Variants in THAP6 observed in about 807,000 individuals in gnomAD.
THAP6 encodes the protein THAP domain containing 6.
In THAP6, 13 loss-of-function variants were observed where a neutral mutation model predicts 20.0. The ratio of observed to expected loss-of-function variants is 0.65; its 90% confidence interval spans 0.42 to 1.03. The LOEUF (loss-of-function observed/expected upper bound fraction) is 1.03. THAP6 is among the 50% of genes least tolerant of loss of function. THAP6 has a pLI of 0.00. For missense variants in THAP6, 262 were observed against 261.6 expected (o/e 1.00, Z -0.01); for synonymous variants, 93 against 92.2 (o/e 1.01, Z -0.05).
intron 4 of THAP6, among the ~76,000 whole-genome samples, chr4:75,522,986 G>A (rs1023594239): frequency 1.1e-4 from 17 of 152,118 alleles, no homozygotes; most frequent in Non-Finnish European, 1.9e-4. Context: ...TGGGATTGCT[G>A]GATCATACAG....
intron 4 of THAP6, among the ~76,000 whole-genome samples, chr4:75,523,251 G>GA (rs757703085): frequency 6.6e-6 from 1 of 151,948 alleles, no homozygotes; most frequent in Non-Finnish European, 1.5e-5. Flanking sequence ...GTCTTCTTTT[G>GA]AAAAAATGTG....
chr4:75,532,471 G>A (rs1726710881), downstream of THAP6, among the ~76,000 whole-genome samples: 1 of 152,210 alleles, frequency 6.6e-6, no homozygotes, highest in African/African-American at 2.4e-5. Context: ...AGTGCAAGCT[G>A]TTGGTGGATC....
At position 75,528,999 on chromosome 4, in the gene THAP6, G is replaced by A. The variant is rs1038011226; in HGVS notation, c.*1785G>A. On this transcript the variant is annotated 3_prime_UTR_variant, in exon 5 of 5. Transcript: ENST00000311638. ...ACCCGGGAGGCGGAGATTGCAGTGA[G>A]CCAAGATCACGCCGTTGCACTCCAG... 9 of 597,552 alleles carry A rather than the reference G, an allele frequency of 1.5e-5. No homozygotes were observed. The highest frequency in any genetic ancestry group is 2.0e-5 in the African/African-American group (1 of 49,392). The allele number at this position is 597,552 out of a possible 1,614,324, so 37.0% of individuals were successfully genotyped here.
downstream of THAP6, among the ~76,000 whole-genome samples, chr4:75,531,521 T>C (rs1726679786): frequency 6.6e-6 from 1 of 152,234 alleles, no homozygotes; most frequent in Non-Finnish European, 1.5e-5. Context: ...GAAACTTGTG[T>C]GTGTGCTCTT....
intron 4 of THAP6, among the ~76,000 whole-genome samples, chr4:75,524,439 T>C (rs1418826041): frequency 2.6e-5 from 4 of 152,260 alleles, no homozygotes; most frequent in African/African-American, 7.2e-5. Flanking sequence ...CCACCTGTTA[T>C]CATTTTGCCT....
In THAP6 at chr4:75,529,381, T is replaced by C. The variant is rs1726580475; in HGVS notation, c.*2167T>C. The C allele has an allele frequency of 1.0e-6, 1 of 985,336 alleles. No homozygotes were observed. Among genetic ancestry groups the C allele is most frequent in the African/African-American group, 1.7e-5 (1 of 57,246 alleles). 61.0% of individuals were successfully genotyped at this position (985,336 alleles called of 1,614,324 possible). On this transcript the variant is annotated 3_prime_UTR_variant, in exon 5 of 5. Transcript: ENST00000311638. ...AAATTGCCACAGTCACTTTTACTAC[T>C]TGTGTTCATAGTAGACTCAGCACTT...
chr4:75,543,146 A>G, intron 3 of THAP6: 1 of 152,324 alleles, frequency 6.6e-6, no homozygotes. Context: ...CTAATGCTTT[A>G]CTCAGCCACT....
At chr4:75,534,219 A>G (rs1339198438), downstream of THAP6, among the ~76,000 whole-genome samples, 1 of 152,162 alleles carries the variant, frequency 6.6e-6, no homozygotes, top group Non-Finnish European at 1.5e-5. Flanking sequence ...TGCAATAAAC[A>G]TACAATGGAA....
chr4:75,529,746 G>A lies in THAP6; in HGVS notation c.*2532G>A. ...CTTTAAAAGCTAGGAGTGGCCTCTA[G>A]AGCCAGGAACACATTAATACAACAG... On this transcript the variant is annotated 3_prime_UTR_variant, in exon 5 of 5. Transcript: ENST00000311638. The A allele has an allele frequency of 3.0e-6, 3 of 985,376 alleles. No individual in the cohort carries two copies. Among genetic ancestry groups the A allele is most frequent in the Non-Finnish European group, 3.6e-6 (3 of 829,926 alleles). The allele number at this position is 985,376 out of a possible 1,614,324, so 61.0% of individuals were successfully genotyped here. A position where few individuals can be genotyped will look rare whatever the true frequency, so the allele number is the denominator to read the frequency against.
intron 3 of THAP6, among the ~76,000 whole-genome samples, chr4:75,520,692 T>C (rs1231875019): frequency 6.6e-6 from 1 of 152,208 alleles, no homozygotes; most frequent in Non-Finnish European, 1.5e-5. Flanking sequence ...GATCAAAGAC[T>C]ATATACACTT....
intron 3 of THAP6, chr4:75,542,723 T>TAA (rs1727039645): frequency 2.7e-6 from 1 of 365,062 alleles, no homozygotes; most frequent in African/African-American, 2.1e-5. Flanking sequence ...GACTTTTGTT[T>TAA]TGTTTTGTTT....
At position 75,516,961 on chromosome 4, in the gene THAP6, T is replaced by C. The variant is rs143920365; in HGVS notation, c.270T>C (p.Asp90=). The C allele has an allele frequency of 1.2e-4, 190 of 1,613,564 alleles. 1 individual carries two copies. The highest frequency in any genetic ancestry group is 6.4e-5 in the Non-Finnish European group (75 of 1,179,678). The change falls in exon 3 of 5, where the codon GAT becomes GAC. Residue 90 remains aspartate (D), a synonymous_variant. Coordinates refer to ENST00000311638, the MANE Select transcript of THAP6 (RefSeq NM_144721.6). ...CTGGAGTCATACCTTCTATCTTTGA[T>C]TCTCCATATCACCTACAGGTTTGTT... The part of the protein sequence containing the change: ...LKPGVIPSIF[D]SPYHLQGKRE...
Position 75,527,341 on chromosome 4 carries a change from T to A in THAP6, c.*127T>A. On this transcript the variant is annotated 3_prime_UTR_variant, in exon 5 of 5. Coordinates refer to ENST00000311638, the MANE Select transcript of THAP6 (RefSeq NM_144721.6). ...TTTGGATTCTCTGGAGCATTATGCA[T>A]TATAGTTGTTATCCAAAGACTTTTT... is the stretch of plus-strand genomic sequence containing the variant. The A allele has an allele frequency of 2.0e-6, 3 of 1,475,496 alleles. No individual in the cohort carries two copies. The South Asian group carries it at 4.4e-5, about 22-fold the overall frequency. The allele number at this position is 1,475,496 out of a possible 1,614,324, so 91.4% of individuals were successfully genotyped here. A position where few individuals can be genotyped will look rare whatever the true frequency, so the allele number is the denominator to read the frequency against.
At position 75,539,763 on chromosome 4, in the gene THAP6, G is replaced by A. The variant is rs1376792843; in HGVS notation, c.166-2646G>A. On this transcript the variant is annotated intron_variant, in intron 2 of 4. Coordinates refer to the THAP6 transcript ENST00000502620. ...GACAATAGCACCTTACCCATTGGTGGTGAGAATTTTATTTCATTGCGTATA... is the reference window on the plus strand; with the variant it reads ...GACAATAGCACCTTACCCATTGGTGATGAGAATTTTATTTCATTGCGTATA... 1.6e-5 allele frequency: 24 copies of A among 1,503,362 alleles called. No individual in the cohort carries two copies. The East Asian group carries it at 5.4e-4, about 34-fold the overall frequency. The allele number at this position is 1,503,362 out of a possible 1,614,324, so 93.1% of individuals were successfully genotyped here.
intron 4 of THAP6, among the ~76,000 whole-genome samples, chr4:75,524,517 T>C (rs1393560598): frequency 6.6e-6 from 1 of 152,228 alleles, no homozygotes; most frequent in Non-Finnish European, 1.5e-5. Context: ...GTATTTCTGT[T>C]GCTTAAAAAG....
downstream of THAP6, among the ~76,000 whole-genome samples, chr4:75,532,605 T>G (rs1394017510): frequency 6.6e-6 from 1 of 152,180 alleles, no homozygotes; most frequent in East Asian, 1.9e-4. Flanking sequence ...TAGCAGAGGT[T>G]CTCCATGAGG....
chr4:75,514,073 G>A, upstream of THAP6: 1 of 1,448,684 alleles, frequency 6.9e-7, no homozygotes, highest in Non-Finnish European at 9.3e-7. Context: ...CCAGTTCCAG[G>A]TGGAAAAGGT....
At chr4:75,546,243 G>A (rs1483944364) in intron 3 of THAP6, among the ~76,000 whole-genome samples, 2 of 152,190 alleles carry the variant, frequency 1.3e-5, no homozygotes, top group Non-Finnish European at 2.9e-5. Context: ...AAGTCACTAT[G>A]AGATTCTCCC....
chr4:75,546,994 G>A (rs1578286845), intron 3 of THAP6, among the ~76,000 whole-genome samples: 2 of 152,324 alleles, frequency 1.3e-5, no homozygotes, highest in African/African-American at 4.8e-5. Flanking sequence ...GGAGAAAAAA[G>A]AAGAGATGAG....
Sources: allele counts gnomAD v4.1 joint callset (sites outside exome capture counted in the v4.1 genomes callset), GRCh38; gene constraint gnomAD v4.1.1; transcripts MANE v1.5; gene names NCBI Gene and HGNC (gene_info 2026-07-23, HGNC 2026-07-21).